ARPC1B: variants seen among roughly 807,000 people sequenced by gnomAD.
The protein encoded by ARPC1B is actin related protein 2/3 complex subunit 1B.
A neutral mutation model predicts 46.0 loss-of-function variants in ARPC1B; 29 were observed. The observed-to-expected ratio is 0.63, with a 90% CI of 0.47 to 0.86. ARPC1B has a LOEUF of 0.86. Ranked by LOEUF, ARPC1B falls within the 40% of genes least tolerant of loss-of-function variation. The pLI, the probability that ARPC1B is intolerant of heterozygous loss-of-function variation, is 0.00. For synonymous variants in ARPC1B, 201 were observed against 213.9 expected, an observed-to-expected ratio of 0.94 and a Z score of 0.53; for missense variants, 469 against 529.4, an observed-to-expected ratio of 0.89 and a Z score of 1.12.
rs573178290 is a variant in ARPC1B at position 99,376,200 on chromosome 7, C to T, written c.-14+1419C>T. 5.9e-5 allele frequency among the ~76,000 whole-genome samples: 9 copies of T among 152,298 alleles called. No homozygotes were observed. The East Asian group carries it at 1.5e-3, about 26-fold the overall frequency. On this transcript the variant is annotated intron_variant, in intron 1 of 9. Transcript: ENST00000646101. Reference sequence around the variant, plus strand: ...CTGCAGCCTTGGCAACAGAGCCAGACTCCGTCTCTAAATAAATAAATAAAA... The same window carrying T: ...CTGCAGCCTTGGCAACAGAGCCAGATTCCGTCTCTAAATAAATAAATAAAA...
At chr7:99,382,107 G>T (rs1794246229) in intron 1 of ARPC1B, among the ~76,000 whole-genome samples, 1 of 152,172 alleles carries the variant, frequency 6.6e-6, no homozygotes, top group Non-Finnish European at 1.5e-5. Flanking sequence ...CTCCCTGAAA[G>T]TCCAGGGCTG....
intron 8 of ARPC1B, 44 bp from the exon 9 acceptor site, chr7:99,393,985 C>T (rs768890581): frequency 1.3e-6 from 2 of 1,595,164 alleles, no homozygotes; most frequent in Non-Finnish European, 1.7e-6. Context: ...CTGAGCCCAG[C>T]GCCAGCACAG....
At position 99,375,929 on chromosome 7, in the gene ARPC1B, G is replaced by A. The variant is rs192165240; in HGVS notation, c.-14+1148G>A. ...ATACAAAAATTACCCAGGCATGGTGGCACGCACCTGTAATCCCAGCTACTC... is the reference window on the plus strand; with the variant it reads ...ATACAAAAATTACCCAGGCATGGTGACACGCACCTGTAATCCCAGCTACTC... On this transcript the variant is annotated intron_variant, in intron 1 of 9. Transcript: ENST00000646101. 4.5e-4 allele frequency among the ~76,000 whole-genome samples: 68 copies of A among 152,140 alleles called. 2 individuals are homozygous for A. In the Middle Eastern group the frequency reaches 0.031, roughly 68 times the overall value.
chr7:99,375,283 G>A (rs1264082626), intron 1 of ARPC1B, among the ~76,000 whole-genome samples: 1 of 152,180 alleles, frequency 6.6e-6, no homozygotes, highest in African/African-American at 2.4e-5. Flanking sequence ...GAGCCTTCCG[G>A]GTTGCAGCCG....
chr7:99,380,425 G>GC (rs1294211057), intron 1 of ARPC1B, among the ~76,000 whole-genome samples: 1 of 152,082 alleles, frequency 6.6e-6, no homozygotes, highest in African/African-American at 2.4e-5. Flanking sequence ...ACACTTCTTT[G>GC]CCCCATTTAA....
intron 1 of ARPC1B, among the ~76,000 whole-genome samples, chr7:99,378,503 A>AC (rs1214704172): frequency 1.4e-5 from 2 of 146,960 alleles, no homozygotes; most frequent in East Asian, 2.1e-4. Flanking sequence ...ACATGGTGAA[A>AC]CCCCATCTCT....
chr7:99,387,005 A>G (rs1794410002), intron 3 of ARPC1B, among the ~76,000 whole-genome samples: 1 of 152,248 alleles, frequency 6.6e-6, no homozygotes, highest in Non-Finnish European at 1.5e-5. Context: ...CAGCAGCTCC[A>G]CATGACCAAG....
At chr7:99,392,912 C>A in intron 8 of ARPC1B, 36 bp downstream of exon 8, 1 of 1,508,650 alleles carries the variant, frequency 6.6e-7, no homozygotes, top group Non-Finnish European at 8.9e-7. Flanking sequence ...GTGGGCGGGG[C>A]CTCGGCTCGC....
intron 4 of ARPC1B, 127 bp from the exon 5 acceptor site, chr7:99,389,778 A>T (rs1469355515): frequency 1.3e-6 from 1 of 797,542 alleles, no homozygotes; most frequent in Non-Finnish European, 2.1e-6. Flanking sequence ...GGCAATGCCC[A>T]GTCGCCTCTC....
At chr7:99,388,523 C>G in intron 4 of ARPC1B, 1 of 474,120 alleles carries the variant, frequency 2.1e-6, no homozygotes, top group Non-Finnish European at 3.8e-6. Context: ...TCCTGACTTC[C>G]CTGCAGCTCC....
At chr7:99,377,789 C>T (rs975688742) in intron 1 of ARPC1B, among the ~76,000 whole-genome samples, 1 of 151,624 alleles carries the variant, frequency 6.6e-6, no homozygotes, top group African/African-American at 2.4e-5. Context: ...TGCCCACCAC[C>T]AAGCCCAGAT....
At position 99,386,750 on chromosome 7, in the gene ARPC1B, A is replaced by C; in HGVS notation, c.130A>C (p.Lys44Gln). Residue 44 changes from lysine (K) to glutamine (Q), a missense_variant, in exon 3 of 10, where the codon AAG (lysine) becomes CAG (glutamine). Physicochemically the swap from Lys to Gln is moderately conservative, Grantham distance 53. Coordinates refer to ENST00000646101, the MANE Select transcript of ARPC1B (RefSeq NM_005720.4). ...IYEKSGAKWT[K>Q]VHELKEHNGQ... ...TGAAAAGAGCGGTGCCAAATGGACC[A>C]AGGTGCACGAGCTCAAGGAGCACAA... 6.2e-7 allele frequency: 1 copy of C among 1,614,148 alleles called. No individual in the cohort carries two copies. Among genetic ancestry groups the C allele is most frequent in the Non-Finnish European group, 8.5e-7 (1 of 1,179,998 alleles).
At chr7:99,382,142 T>C (rs1173988435) in intron 1 of ARPC1B, among the ~76,000 whole-genome samples, 1 of 152,074 alleles carries the variant, frequency 6.6e-6, no homozygotes, top group Non-Finnish European at 1.5e-5. Context: ...GTCAAGAATG[T>C]ATACAGAGCA....
intron 4 of ARPC1B, chr7:99,388,579 G>A (rs1347828348): frequency 1.1e-5 from 3 of 281,754 alleles, no homozygotes; most frequent in Non-Finnish European, 2.0e-5. Context: ...GATTAGCAAA[G>A]GCCCTGTAGC....
chr7:99,384,065 G>C (rs1327006008), intron 1 of ARPC1B: 6 of 152,580 alleles, frequency 3.9e-5, no homozygotes, highest in Admixed American at 2.0e-4. Flanking sequence ...CTGTGATGCT[G>C]GGAAACTGAG....
In ARPC1B at chr7:99,392,654, C is replaced by A. The variant is rs1794605102; in HGVS notation, c.784-17C>A. On this transcript the variant is annotated splice_polypyrimidine_tract_variant and intron_variant, in intron 7 of 9. Transcript: ENST00000646101. ...TTCCCCTCCGCGGCGCTCCAATGGC[C>A]CCCGCCCTCCGCGCAGGGCCACGAC... 3.4e-6 allele frequency: 5 copies of A among 1,489,210 alleles called. No homozygotes were observed. The highest frequency in any genetic ancestry group is 4.5e-6 in the Non-Finnish European group (5 of 1,113,376). 92.2% of individuals were successfully genotyped at this position (1,489,210 alleles called of 1,614,324 possible). A position where few individuals can be genotyped will look rare whatever the true frequency, so the allele number is the denominator to read the frequency against.
At chr7:99,380,996 G>C (rs1794200499) in intron 1 of ARPC1B, among the ~76,000 whole-genome samples, 1 of 152,064 alleles carries the variant, frequency 6.6e-6, no homozygotes, top group African/African-American at 2.4e-5. Flanking sequence ...TGAGCACCGT[G>C]AATCAGTCAC....
At chr7:99,380,518 C>T (rs1346559052) in intron 1 of ARPC1B, among the ~76,000 whole-genome samples, 1 of 152,194 alleles carries the variant, frequency 6.6e-6, no homozygotes, top group African/African-American at 2.4e-5. Context: ...CTCAACCTCC[C>T]TCCTCTGCCA....
At chr7:99,389,864 G>GCCTGTCCCTCTCTC in intron 4 of ARPC1B, 41 bp from the exon 5 acceptor site, 1 of 1,548,894 alleles carries the variant, frequency 6.5e-7, no homozygotes, top group Non-Finnish European at 8.9e-7. Context: ...AGTCCCACCT[G>GCCTGTCCCTCTCTC]CCTGTCCCTC....
Sources: allele counts gnomAD v4.1 joint callset (sites outside exome capture counted in the v4.1 genomes callset), GRCh38; gene constraint gnomAD v4.1.1; transcripts MANE v1.5; gene names NCBI Gene and HGNC (gene_info 2026-07-23, HGNC 2026-07-21).